The following DNAH12 variants were observed in gnomAD, a reference collection of about 807,000 sequenced individuals.
The protein encoded by DNAH12 is dynein axonemal heavy chain 12.
In DNAH12, 285 loss-of-function variants were observed where a neutral mutation model predicts 371.5. The ratio of observed to expected loss-of-function variants is 0.77; its 90% CI spans 0.70 to 0.85. The LOEUF is 0.85. Ranked by LOEUF, DNAH12 falls within the 40% of genes least tolerant of loss-of-function variation. DNAH12 has a pLI of 0.00. For synonymous variants in DNAH12, 1,200 were observed against 1,213.0 expected, an observed-to-expected ratio of 0.99 and a Z score of 0.22; for missense variants, 3,611 against 3,689.4, an observed-to-expected ratio of 0.98 and a Z score of 0.55.
intron 40 of DNAH12, among the ~76,000 whole-genome samples, chr3:57,407,525 T>G (rs1165244462): frequency 6.6e-6 from 1 of 152,208 alleles, no homozygotes; most frequent in Non-Finnish European, 1.5e-5. Flanking sequence ...ATTGATGTTC[T>G]TGGAAATGGA....
intron 69 of DNAH12, among the ~76,000 whole-genome samples, chr3:57,305,478 C>T (rs1320082587): frequency 6.6e-6 from 1 of 152,162 alleles, no homozygotes; most frequent in Non-Finnish European, 1.5e-5. Context: ...ACTAGCCCTC[C>T]CCCTCCTGCC....
chr3:57,428,739 T>G lies in DNAH12; in HGVS notation c.5147A>C (p.Asn1716Thr), dbSNP rs538471819. Residue 1716 changes from asparagine to threonine, a missense_variant, in exon 34 of 74, where the codon AAT becomes ACT. By Grantham distance (65) the Asn-to-Thr change is moderately conservative. Transcript: ENST00000495027. ...GWEPLVSSWL[N>T]SLKGPLCEPE... is the part of the protein sequence containing the mutation. Reference sequence around the variant, plus strand: ...TTCACACAGAGGTCCTTTCAGTGAATTCAACCAAGAAGACACAAGTGGTTC... The same window carrying G: ...TTCACACAGAGGTCCTTTCAGTGAAGTCAACCAAGAAGACACAAGTGGTTC... 9 of 1,551,554 alleles carry G rather than the reference T, an allele frequency of 5.8e-6. No individual in the cohort carries two copies. The East Asian group carries it at 2.2e-4, about 38-fold the overall frequency.
chr3:57,439,493 A>G (rs113453752), intron 29 of DNAH12, among the ~76,000 whole-genome samples: 2 of 152,308 alleles, frequency 1.3e-5, no homozygotes, highest in African/African-American at 4.8e-5. Context: ...TGTTAGCCAT[A>G]TATAGAAGAA....
intron 37 of DNAH12, among the ~76,000 whole-genome samples, chr3:57,418,453 T>A (rs1433051101): frequency 6.9e-6 from 1 of 143,952 alleles, no homozygotes; most frequent in Non-Finnish European, 1.5e-5. Context: ...GGTGGGAGGA[T>A]CGCTAGAGCC....
chr3:57,384,186 G>C (rs1033529127), intron 49 of DNAH12, among the ~76,000 whole-genome samples: 2 of 152,080 alleles, frequency 1.3e-5, no homozygotes, highest in African/African-American at 2.4e-5. Flanking sequence ...TACTGGAAAT[G>C]GCCTTTAAGT....
chr3:57,422,985 T>C (rs1002795264), intron 35 of DNAH12, among the ~76,000 whole-genome samples: 2 of 152,196 alleles, frequency 1.3e-5, no homozygotes, highest in Non-Finnish European at 2.9e-5. Context: ...AATGTATACA[T>C]GTAAAAGAGT....
intron 43 of DNAH12, among the ~76,000 whole-genome samples, chr3:57,397,036 TATTA>T (rs2063756673): frequency 1.3e-5 from 2 of 152,272 alleles, no homozygotes; most frequent in African/African-American, 4.8e-5. Flanking sequence ...AAAAAATAGA[TATTA>T]ATTATATGTC....
chr3:57,368,896 T>C (rs1448127199), intron 55 of DNAH12, among the ~76,000 whole-genome samples: 4 of 152,084 alleles, frequency 2.6e-5, no homozygotes, highest in Non-Finnish European at 5.9e-5. Flanking sequence ...TACAGTACAT[T>C]AAATTTTCTT....
the DNAH12 span, among the ~76,000 whole-genome samples, chr3:57,552,244 CA>C: frequency 1.1e-3 from 151 of 131,942 alleles, no homozygotes; most frequent in African/African-American, 1.5e-3. Flanking sequence ...GACTCCATCT[CA>C]AAAAAAAAAA....
chr3:57,453,467 A>G, intron 23 of DNAH12, 64 bp from the exon 24 acceptor site: 1 of 1,326,230 alleles, frequency 7.5e-7, no homozygotes, highest in South Asian at 1.7e-5. Flanking sequence ...TGTATTTTAT[A>G]TATTTAGTCT....
intron 69 of DNAH12, among the ~76,000 whole-genome samples, chr3:57,306,750 T>C (rs1439405695): frequency 6.6e-6 from 1 of 152,182 alleles, no homozygotes; most frequent in Non-Finnish European, 1.5e-5. Context: ...TTAAAGCCTA[T>C]AAACTCCCCT....
intron 69 of DNAH12, 37 bp from the exon 70 acceptor site, chr3:57,301,976 T>TG: frequency 1.3e-6 from 2 of 1,538,148 alleles, no homozygotes; most frequent in Non-Finnish European, 1.8e-6. Context: ...ACATATATGA[T>TG]GATATCAACA....
intron 60 of DNAH12, among the ~76,000 whole-genome samples, chr3:57,351,162 G>A (rs1345717588): frequency 8.6e-5 from 13 of 151,934 alleles, no homozygotes; most frequent in South Asian, 4.1e-4. Flanking sequence ...CCAGCTACTC[G>A]GGAGGCTGAG....
At chr3:57,427,997 C>T (rs564503472) in intron 34 of DNAH12, among the ~76,000 whole-genome samples, 11 of 151,808 alleles carry the variant, frequency 7.2e-5, no homozygotes, top group South Asian at 2.1e-4. Flanking sequence ...GGCGTGATCT[C>T]GGCTCACTGC....
At position 57,405,717 on chromosome 3, in the gene DNAH12, A is replaced by T. The variant is rs782799395; in HGVS notation, c.6512T>A (p.Ile2171Lys). ...RWLFQLTKTV[I>K]KDHFKESFHS... ...AAATGATTCTTTAAAATGGTCCTTT[A>T]TAACAGTTTTAGTTAACTGGAACAG... is the stretch of plus-strand genomic sequence containing the variant. The change falls in exon 41 of 74, where the codon ATA (isoleucine) becomes AAA (lysine). Residue 2171 changes from isoleucine (I) to lysine (K), a missense_variant. Around this residue, in one of 3 missense-constraint regions of DNAH12, gnomAD observed 2,266 missense variants for 2,236.9 expected, o/e 1.01. Coordinates refer to ENST00000495027, the MANE Select transcript of DNAH12 (RefSeq NM_001366028.2). 6.4e-7 allele frequency: 1 copy of T among 1,551,554 alleles called. No homozygotes were observed. The highest frequency in any genetic ancestry group is 8.7e-7 in the Non-Finnish European group (1 of 1,146,982).
rs113578693 is a variant in DNAH12 at position 57,520,291 on chromosome 3, A to G, written c.279+3292T>C. On this transcript the variant is annotated intron_variant, in intron 4 of 73. Coordinates refer to ENST00000495027, the MANE Select transcript of DNAH12 (RefSeq NM_001366028.2). Reference sequence around the variant, plus strand: ...CACACTCAGCTAATTTTGTATTTTTAGTAGCGACGGTTTCACCATGTTGGC... The same window carrying G: ...CACACTCAGCTAATTTTGTATTTTTGGTAGCGACGGTTTCACCATGTTGGC... Among the ~76,000 whole-genome samples, 620 of 151,646 alleles carry G rather than the reference A, an allele frequency of 4.1e-3. 6 individuals are homozygous for G. Among genetic ancestry groups the G allele is most frequent in the African/African-American group, 0.014 (582 of 41,362 alleles).
At chr3:57,361,464 ATATATATC>A (rs1444451490) in intron 58 of DNAH12, among the ~76,000 whole-genome samples, 7 of 144,814 alleles carry the variant, frequency 4.8e-5, no homozygotes, top group African/African-American at 1.9e-4. Context: ...ATATATATAT[ATATATATC>A]TCATTCAGCT....
intron 13 of DNAH12, among the ~76,000 whole-genome samples, chr3:57,479,761 A>G (rs1303111063): frequency 6.6e-6 from 1 of 152,208 alleles, no homozygotes; most frequent in African/African-American, 2.4e-5. Context: ...CTCAGGATTA[A>G]GAAACTCACT....
In DNAH12 at chr3:57,367,198, G is replaced by T. The variant is rs900440863; in HGVS notation, c.8975-277C>A. ...CTAAAAAAATTAGCTGGGTGTCATG[G>T]TGGAACACACCTGTAATCCCAGCTA... is the stretch of plus-strand genomic sequence containing the variant. On this transcript the variant is annotated intron_variant, in intron 56 of 73. Transcript: ENST00000495027. Among the ~76,000 whole-genome samples the T allele has an allele frequency of 7.2e-5, 11 of 152,296 alleles. No individual in the cohort carries two copies. In the East Asian group the frequency reaches 2.1e-3, roughly 29 times the overall value.
Sources: gnomAD v4.1 joint callset for allele counts (sites outside exome capture counted in the v4.1 genomes callset) on GRCh38, gnomAD v4.1.1 for gene constraint, gnomAD v4.1.1 regional missense constraint, MANE v1.5 for transcripts, NCBI Gene and HGNC (gene_info 2026-07-23, HGNC 2026-07-21) for gene names.